The following LHFPL3 variants were observed in gnomAD, a reference collection of about 807,000 sequenced individuals.
LHFPL3 encodes the protein LHFPL tetraspan subfamily member 3 protein.
In LHFPL3, 5 loss-of-function variants were observed where a neutral mutation model predicts 19.3. The ratio of observed to expected loss-of-function variants is 0.26; its 90% confidence interval spans 0.14 to 0.54. LHFPL3 has a LOEUF of 0.54. LHFPL3 is among the 20% of genes least tolerant of loss of function. The pLI is 0.94. For synonymous variants in LHFPL3, 133 were observed against 126.2 expected (o/e 1.05, Z -0.36); for missense variants, 249 against 307.4 (o/e 0.81, Z 1.42).
At chr7:104,736,151 C>T (rs1275348823) in intron 1 of LHFPL3, among the ~76,000 whole-genome samples, 1 of 151,948 alleles carries the variant, frequency 6.6e-6, no homozygotes, top group Admixed American at 6.6e-5. Flanking sequence ...AGAAAAAAAA[C>T]AAAACTTTTC....
chr7:104,418,274 C>G (rs1052571230), intron 1 of LHFPL3, among the ~76,000 whole-genome samples: 1 of 152,124 alleles, frequency 6.6e-6, no homozygotes, highest in Non-Finnish European at 1.5e-5. Context: ...AGAGACTGCA[C>G]CAGGCACAAT....
At chr7:104,770,199 A>G (rs556432992) in intron 2 of LHFPL3, among the ~76,000 whole-genome samples, 2 of 152,158 alleles carry the variant, frequency 1.3e-5, no homozygotes, top group South Asian at 4.2e-4. Context: ...ACTTAAAGGA[A>G]AAAGGTAGAT....
chr7:104,800,970 T>G (rs191257873), intron 2 of LHFPL3, among the ~76,000 whole-genome samples: 5 of 152,276 alleles, frequency 3.3e-5, no homozygotes, highest in Admixed American at 6.5e-5. Flanking sequence ...ATCTGGCACT[T>G]GAGCTACAGA....
At chr7:104,435,560 AT>A (rs35738483) in intron 1 of LHFPL3, among the ~76,000 whole-genome samples, 30,863 of 143,720 alleles carry the variant, frequency 0.21, 3,553 homozygotes, top group Admixed American at 0.33. Flanking sequence ...TTCTTTCTAG[AT>A]TTTTTTTTTT....
intron 1 of LHFPL3, among the ~76,000 whole-genome samples, chr7:104,347,900 A>AAC (rs1223609547): frequency 6.6e-6 from 1 of 151,252 alleles, no homozygotes; most frequent in Non-Finnish European, 1.5e-5. Context: ...TAAAAAAAAA[A>AAC]AACAAAATAA....
At chr7:104,588,246 T>C (rs1020382498) in intron 1 of LHFPL3, among the ~76,000 whole-genome samples, 2 of 152,244 alleles carry the variant, frequency 1.3e-5, no homozygotes, top group African/African-American at 4.8e-5. Context: ...TTTTATGGTT[T>C]CAGGTCCAAC....
At chr7:104,668,399 T>C (rs1175883746) in intron 1 of LHFPL3, 1 of 1,597,456 alleles carries the variant, frequency 6.3e-7, no homozygotes, top group Non-Finnish European at 8.6e-7. Flanking sequence ...GAAGAGGTGA[T>C]GATAGCTTTG....
intron 1 of LHFPL3, among the ~76,000 whole-genome samples, chr7:104,561,877 G>T (rs1326235140): frequency 1.3e-5 from 2 of 152,074 alleles, no homozygotes; most frequent in Non-Finnish European, 2.9e-5. Flanking sequence ...AGGCAGGCCT[G>T]GTGGTGACAA....
chr7:104,328,685 A>C lies in LHFPL3; in HGVS notation c.-95A>C. 9.0e-7 allele frequency: 1 copy of C among 1,111,202 alleles called. No homozygotes were observed. Among genetic ancestry groups the C allele is most frequent in the Non-Finnish European group, 1.3e-6 (1 of 775,330 alleles). 68.8% of individuals were successfully genotyped at this position (1,111,202 alleles called of 1,614,324 possible). On this transcript the variant is annotated 5_prime_UTR_variant, in exon 1 of 3. Transcript: ENST00000424859. The surrounding 1 kb of genome is among the most constrained non-coding windows in gnomAD (Gnocchi z 4.6). ...GCTGAGGCGGAGGCAGGGGAGTTGC[A>C]GCGCGCGAGGCTCCGTGAGTGTGTC...
chr7:104,353,506 A>T (rs1790218744), intron 1 of LHFPL3, among the ~76,000 whole-genome samples: 1 of 152,220 alleles, frequency 6.6e-6, no homozygotes, highest in Admixed American at 6.5e-5. Flanking sequence ...TTTGTATATA[A>T]ATAAAGGCAG....
At chr7:104,721,025 ATCCC>A (rs1793480138) in intron 1 of LHFPL3, among the ~76,000 whole-genome samples, 1 of 152,218 alleles carries the variant, frequency 6.6e-6, no homozygotes, top group South Asian at 2.1e-4. Flanking sequence ...TGACCTAGCA[ATCCC>A]ATTACTGGTT....
intron 1 of LHFPL3, among the ~76,000 whole-genome samples, chr7:104,510,778 A>G (rs1241456882): frequency 1.3e-5 from 2 of 152,146 alleles, no homozygotes; most frequent in African/African-American, 4.8e-5. Context: ...TGTATTTGCA[A>G]ACTACGTATT....
At chr7:104,741,107 TA>T (rs1274222426) in intron 2 of LHFPL3, among the ~76,000 whole-genome samples, 1 of 152,124 alleles carries the variant, frequency 6.6e-6, no homozygotes, top group African/African-American at 2.4e-5. Flanking sequence ...GGGAGGGGTG[TA>T]CACAGCTAAA....
At chr7:104,877,712 G>A (rs1378939303) in intron 2 of LHFPL3, among the ~76,000 whole-genome samples, 4 of 140,398 alleles carry the variant, frequency 2.8e-5, no homozygotes, top group Non-Finnish European at 4.7e-5. Context: ...CAGTTTGGAA[G>A]TTCCTTTAAA....
At chr7:104,483,217 T>C (rs1017911569) in intron 1 of LHFPL3, among the ~76,000 whole-genome samples, 1 of 152,248 alleles carries the variant, frequency 6.6e-6, no homozygotes, top group Non-Finnish European at 1.5e-5. Context: ...CTGTTACTCC[T>C]GGTTTGTTTT....
chr7:104,628,421 T>A lies in LHFPL3; in HGVS notation c.446-108254T>A, dbSNP rs115613544. On this transcript the variant is annotated intron_variant, in intron 1 of 2. Coordinates refer to ENST00000424859, the MANE Select transcript of LHFPL3 (RefSeq NM_199000.3). ...AATCCTCAGATACTGGCAAATAAAGTTGTAGAACTCGCCAAGCAACAGAAG... is the reference window on the plus strand; with the variant it reads ...AATCCTCAGATACTGGCAAATAAAGATGTAGAACTCGCCAAGCAACAGAAG... Among the ~76,000 whole-genome samples the A allele has an allele frequency of 3.3e-3, 501 of 152,132 alleles. 2 individuals carry two copies. The highest frequency in any genetic ancestry group is 0.011 in the African/African-American group (470 of 41,496).
chr7:104,575,572 A>C (rs1218886632), intron 1 of LHFPL3, among the ~76,000 whole-genome samples: 2 of 149,002 alleles, frequency 1.3e-5, no homozygotes, highest in African/African-American at 2.4e-5. Context: ...AAAAAAAAAA[A>C]AAAAAAAAAA....
chr7:104,767,713 T>G (rs1480750507), intron 2 of LHFPL3, among the ~76,000 whole-genome samples: 1 of 152,208 alleles, frequency 6.6e-6, no homozygotes, highest in East Asian at 1.9e-4. Flanking sequence ...GGAAGTTAGA[T>G]AGATTAATCA....
At chr7:104,672,036 T>G (rs1792493552) in intron 1 of LHFPL3, among the ~76,000 whole-genome samples, 1 of 148,924 alleles carries the variant, frequency 6.7e-6, no homozygotes, top group Admixed American at 6.8e-5. Flanking sequence ...TCTTTTTTCC[T>G]TCTTCAAAAC....
Sources: allele counts gnomAD v4.1 joint callset (sites outside exome capture counted in the v4.1 genomes callset), GRCh38; gene constraint gnomAD v4.1.1; non-coding constraint Gnocchi (gnomAD v3.1); transcripts MANE v1.5; gene names NCBI Gene and HGNC (gene_info 2026-07-23, HGNC 2026-07-21).